The following QRFPR variants were observed in gnomAD, a reference collection of about 807,000 sequenced individuals.
QRFPR encodes pyroglutamylated RF-amide peptide receptor.
Under a neutral mutation model 31.3 loss-of-function variants are expected in QRFPR, and 37 were observed. The ratio of observed to expected loss-of-function variants is 1.18; its 90% confidence interval spans 0.91 to 1.56. QRFPR has a LOEUF of 1.56. QRFPR is among the 40% of genes most tolerant of loss of function. QRFPR has a pLI of 0.00. For missense variants in QRFPR, 542 were observed against 532.5 expected, an observed-to-expected ratio of 1.02 and a Z score of -0.18; for synonymous variants, 197 against 192.0, an observed-to-expected ratio of 1.03 and a Z score of -0.22.
At chr4:121,337,654 C>T (rs1725459905) in intron 2 of QRFPR, among the ~76,000 whole-genome samples, 1 of 151,844 alleles carries the variant, frequency 6.6e-6, no homozygotes, top group South Asian at 2.1e-4. Flanking sequence ...ATAACATGGG[C>T]ATCACATGTA....
chr4:121,369,465 G>A (rs17372851), intron 1 of QRFPR: 17,115 of 1,055,450 alleles, frequency 0.016, 208 homozygotes, highest in South Asian at 0.035. Context: ...TTCAAGTCAC[G>A]GGGTTTGAGA....
intron 5 of QRFPR, 151 bp from the exon 6 acceptor site, chr4:121,329,865 T>C: frequency 1.7e-6 from 1 of 599,548 alleles, no homozygotes; most frequent in Non-Finnish European, 2.8e-6. Context: ...ATCTGATATC[T>C]GAATAAAAAC....
intron 1 of QRFPR, among the ~76,000 whole-genome samples, chr4:121,356,005 A>G (rs1725862345): frequency 1.3e-5 from 2 of 152,146 alleles, no homozygotes; most frequent in Non-Finnish European, 2.9e-5. Context: ...AGAGTGTTCC[A>G]TTACTGAAGA....
At chr4:121,338,361 A>C (rs928189497) in intron 2 of QRFPR, among the ~76,000 whole-genome samples, 3 of 152,216 alleles carry the variant, frequency 2.0e-5, no homozygotes, top group African/African-American at 7.2e-5. Flanking sequence ...GAGTTGGATG[A>C]ACAATACTGA....
intron 1 of QRFPR, among the ~76,000 whole-genome samples, chr4:121,372,265 G>A (rs1050591887): frequency 2.6e-5 from 4 of 152,118 alleles, no homozygotes; most frequent in Admixed American, 6.5e-5. Context: ...TGACGATGGC[G>A]CTCCCTGAGG....
chr4:121,334,069 T>C (rs1408316937), intron 3 of QRFPR, among the ~76,000 whole-genome samples: 1 of 152,070 alleles, frequency 6.6e-6, no homozygotes, highest in African/African-American at 2.4e-5. Flanking sequence ...AGATTCAAAC[T>C]CTCTGGAAAT....
intron 3 of QRFPR, among the ~76,000 whole-genome samples, chr4:121,334,092 T>C (rs1263699198): frequency 6.6e-6 from 1 of 152,174 alleles, no homozygotes; most frequent in Non-Finnish European, 1.5e-5. Flanking sequence ...GATGTTAAAA[T>C]GAAATTCATT....
intron 1 of QRFPR, among the ~76,000 whole-genome samples, chr4:121,349,586 AC>A (rs1472860884): frequency 6.6e-6 from 1 of 152,186 alleles, no homozygotes; most frequent in African/African-American, 2.4e-5. Context: ...TTAAATCCAG[AC>A]ACATACCCCC....
chr4:121,340,668 C>T (rs755877209), intron 1 of QRFPR, 58 bp from the exon 2 acceptor site: 15 of 1,521,696 alleles, frequency 9.9e-6, no homozygotes, highest in Non-Finnish European at 1.3e-5. Context: ...AAGGTTTCAT[C>T]TGTGTCTTTG....
intron 1 of QRFPR, among the ~76,000 whole-genome samples, chr4:121,350,482 A>G (rs1287951562): frequency 6.6e-6 from 1 of 152,172 alleles, no homozygotes; most frequent in Admixed American, 6.5e-5. Context: ...GAATCCATCA[A>G]TATCTTTTTC....
At chr4:121,340,388 T>C (rs1358866043) in intron 2 of QRFPR, 64 bp downstream of exon 2, 6 of 1,547,108 alleles carry the variant, frequency 3.9e-6, no homozygotes, top group Admixed American at 1.7e-5. Context: ...TTTAAAAATA[T>C]GGTTCTCTAT....
chr4:121,335,599 G>A (rs1362748119), intron 3 of QRFPR, among the ~76,000 whole-genome samples: 2 of 149,218 alleles, frequency 1.3e-5, no homozygotes, highest in African/African-American at 4.9e-5. Context: ...GCGGGGAGAG[G>A]AGTGGGGCAG....
intron 1 of QRFPR, among the ~76,000 whole-genome samples, chr4:121,379,616 AT>A (rs993640918): frequency 3.8e-4 from 58 of 151,852 alleles, no homozygotes; most frequent in African/African-American, 8.7e-4. Context: ...CTCCTCTGTC[AT>A]TTTTTTTCCC....
In QRFPR at chr4:121,340,517, T is replaced by C; in HGVS notation, c.434A>G (p.Gln145Arg). Reference protein sequence around the residue: ...TMTCIAVERHQGLVHPFKMKW... With the variant: ...TMTCIAVERHRGLVHPFKMKW... ...CATTTTAAAAGGATGCACAAGTCCC[T>C]GGTGCCTTTCCACAGCAATGCAGGT... Residue 145 changes from glutamine to arginine, a missense_variant, in exon 2 of 6, where the codon CAG (glutamine) becomes CGG (arginine). Physicochemically the swap from Gln to Arg is conservative, Grantham distance 43. Coordinates refer to ENST00000394427, the MANE Select transcript of QRFPR (RefSeq NM_198179.3). 6.2e-7 allele frequency: 1 copy of C among 1,614,146 alleles called. No homozygotes were observed.
chr4:121,344,431 T>C (rs1362510845), intron 1 of QRFPR, among the ~76,000 whole-genome samples: 1 of 152,202 alleles, frequency 6.6e-6, no homozygotes, highest in African/African-American at 2.4e-5. Context: ...TTTTAATAAA[T>C]TCAGAACAGC....
At chr4:121,350,081 GA>G (rs1195919995) in intron 1 of QRFPR, among the ~76,000 whole-genome samples, 1 of 152,190 alleles carries the variant, frequency 6.6e-6, no homozygotes, top group Non-Finnish European at 1.5e-5. Flanking sequence ...CATCACAGGT[GA>G]GTTGGATGAC....
intron 1 of QRFPR, among the ~76,000 whole-genome samples, chr4:121,353,361 C>T (rs193206345): frequency 6.6e-6 from 1 of 151,988 alleles, no homozygotes; most frequent in African/African-American, 2.4e-5. Flanking sequence ...TGCTCTCTCC[C>T]CATCCTGGCC....
At chr4:121,335,888 A>G (rs573590999) in intron 3 of QRFPR, among the ~76,000 whole-genome samples, 2 of 152,268 alleles carry the variant, frequency 1.3e-5, no homozygotes, top group East Asian at 3.9e-4. Flanking sequence ...AGAGGACTAA[A>G]AAAGTCCTTA....
intron 1 of QRFPR, among the ~76,000 whole-genome samples, chr4:121,359,253 A>G (rs1184423988): frequency 6.6e-6 from 1 of 152,136 alleles, no homozygotes; most frequent in Non-Finnish European, 1.5e-5. Context: ...AGCTGATGTG[A>G]TGGTTAATAC....
Sources: gnomAD v4.1 joint callset for allele counts (sites outside exome capture counted in the v4.1 genomes callset) on GRCh38, gnomAD v4.1.1 for gene constraint, MANE v1.5 for transcripts, NCBI Gene and HGNC (gene_info 2026-07-23, HGNC 2026-07-21) for gene names.